The following CRK variants were observed in gnomAD, a reference collection of about 807,000 sequenced individuals.
CRK encodes the protein adapter molecule crk.
Under a neutral mutation model 29.8 loss-of-function variants are expected in CRK, and 4 were observed. The ratio of observed to expected loss-of-function variants is 0.13; its 90% CI spans 0.07 to 0.31. CRK has a LOEUF of 0.31. Ranked by LOEUF, CRK falls within the 10% of genes least tolerant of loss-of-function variation. CRK has a pLI of 1.00. For synonymous variants in CRK, 153 were observed against 164.9 expected (o/e 0.93, Z 0.55); for missense variants, 274 against 396.5 (o/e 0.69, Z 2.62).
intron 1 of CRK, among the ~76,000 whole-genome samples, chr17:1,447,798 G>A (rs2073986642): frequency 6.6e-6 from 1 of 151,614 alleles, no homozygotes; most frequent in Admixed American, 6.6e-5. Flanking sequence ...TGTATTTTTA[G>A]GAAAGACAGG....
At chr17:1,432,650 G>T (rs1463979128) in intron 2 of CRK, among the ~76,000 whole-genome samples, 3 of 151,628 alleles carry the variant, frequency 2.0e-5, no homozygotes, top group African/African-American at 7.3e-5. Flanking sequence ...GGTGGCGGGC[G>T]CCTGTAGTCC....
intron 2 of CRK, among the ~76,000 whole-genome samples, chr17:1,424,171 A>G (rs945660620): frequency 6.7e-6 from 1 of 149,856 alleles, no homozygotes; most frequent in Non-Finnish European, 1.5e-5. Context: ...GGTTCGAGCA[A>G]TTTTCCTGCC....
intron 1 of CRK, among the ~76,000 whole-genome samples, chr17:1,441,856 GTTTTGT>G (rs903531919): frequency 6.6e-6 from 1 of 150,416 alleles, no homozygotes; most frequent in Admixed American, 6.6e-5. Flanking sequence ...CCAGGCTGCG[GTTTTGT>G]TTTTGTTTTC....
chr17:1,433,508 G>GATTTTTTT lies in CRK; in HGVS notation c.777+3111_777+3112insAAAAAAAT, dbSNP rs1568012299. 1.7e-5 allele frequency among the ~76,000 whole-genome samples: 2 copies of GATTTTTTT among 114,368 alleles called. 1 individual carries two copies. Among genetic ancestry groups the GATTTTTTT allele is most frequent in the African/African-American group, 7.1e-5 (2 of 27,976 alleles). The allele number at this position is 114,368 out of a possible 152,430, so 75.0% of individuals were successfully genotyped here. A position where few individuals can be genotyped will look rare whatever the true frequency, so the allele number is the denominator to read the frequency against. On this transcript the variant is annotated intron_variant, in intron 2 of 2. Coordinates refer to ENST00000300574, the MANE Select transcript of CRK (RefSeq NM_016823.4). The stretch of plus-strand genomic sequence containing the variant: ...CCACAGGTGCACACCACCACGCCTG[G>GATTTTTTT]CTTTTTTTTTTTTTTTTTTTTTTTT...
intron 1 of CRK, among the ~76,000 whole-genome samples, chr17:1,442,788 G>T (rs567018277): frequency 6.6e-6 from 1 of 151,324 alleles, no homozygotes; most frequent in Non-Finnish European, 1.5e-5. Flanking sequence ...TGTAATTTCA[G>T]TAGAGACACA....
chr17:1,450,234 C>T (rs978368703), intron 1 of CRK, among the ~76,000 whole-genome samples: 19 of 151,906 alleles, frequency 1.3e-4, no homozygotes, highest in East Asian at 1.9e-4. Context: ...AAAAATAAGG[C>T]GCGGTGGCTC....
At position 1,456,125 on chromosome 17, in the gene CRK, T is replaced by A. The variant is rs1197294472; in HGVS notation, c.-8A>T. ...GTCGAAGTTGCCCGCCATGGCTGCC[T>A]CCGCGCCTAAACGCTGGGGTGCCGC... On this transcript the variant is annotated 5_prime_UTR_variant, in exon 1 of 3. Coordinates refer to ENST00000300574, the MANE Select transcript of CRK (RefSeq NM_016823.4). 1 of 1,526,088 alleles carries A rather than the reference T, an allele frequency of 6.6e-7. No individual in the cohort carries two copies. The highest frequency in any genetic ancestry group is 8.8e-7 in the Non-Finnish European group (1 of 1,139,476). 94.5% of individuals were successfully genotyped at this position (1,526,088 alleles called of 1,614,324 possible).
intron 2 of CRK, among the ~76,000 whole-genome samples, chr17:1,430,457 C>T (rs1222940169): frequency 6.7e-6 from 1 of 150,254 alleles, no homozygotes; most frequent in East Asian, 2.0e-4. Flanking sequence ...CCCGGGTTCA[C>T]GCCATTCTCC....
At chr17:1,450,079 G>A (rs1308732288) in intron 1 of CRK, among the ~76,000 whole-genome samples, 1 of 152,134 alleles carries the variant, frequency 6.6e-6, no homozygotes. Flanking sequence ...GCGCATGCCT[G>A]TAATCCCAGC....
At chr17:1,455,792 G>T in intron 1 of CRK, 85 bp downstream of exon 1, 1 of 1,391,320 alleles carries the variant, frequency 7.2e-7, no homozygotes, top group Admixed American at 3.3e-5. Flanking sequence ...ACCCCCGAGG[G>T]TCCGCTCTCG....
At chr17:1,438,011 T>C (rs918288748) in intron 1 of CRK, among the ~76,000 whole-genome samples, 4 of 152,148 alleles carry the variant, frequency 2.6e-5, no homozygotes, top group African/African-American at 9.6e-5. Context: ...CTCTTGTTTT[T>C]CATGGGTCCC....
chr17:1,446,779 G>C (rs1470933795), intron 1 of CRK, among the ~76,000 whole-genome samples: 1 of 151,396 alleles, frequency 6.6e-6, no homozygotes, highest in Non-Finnish European at 1.5e-5. Context: ...ATTTCTAGTA[G>C]AGACGGGGTT....
chr17:1,433,675 C>T (rs752651377), intron 2 of CRK, among the ~76,000 whole-genome samples: 4 of 151,720 alleles, frequency 2.6e-5, no homozygotes, highest in South Asian at 2.1e-4. Context: ...CCCACCACCA[C>T]GCCTGGCTAA....
At chr17:1,433,038 G>GT (rs1195267390) in intron 2 of CRK, among the ~76,000 whole-genome samples, 3 of 152,274 alleles carry the variant, frequency 2.0e-5, no homozygotes, top group Admixed American at 1.3e-4. Context: ...CCCAAGGAAC[G>GT]TAACAAACAC....
Position 1,436,805 on chromosome 17 carries a change from A to G in CRK, c.592T>C (p.Ser198Pro), listed in dbSNP as rs748690203. 7.0e-6 allele frequency: 11 copies of G among 1,582,148 alleles called. No individual in the cohort carries two copies. Among genetic ancestry groups the G allele is most frequent in the Non-Finnish European group, 9.4e-6 (11 of 1,165,314 alleles). Residue 198 changes from serine to proline, a missense_variant, in exon 2 of 3, where the codon TCG becomes CCG. This residue lies in a region of CRK where 121 missense variants were observed against 154.3 expected (regional missense o/e 0.78). Transcript: ENST00000300574. ...EKYRPASASV[S>P]ALIGGNQEGS... ...TCCTGGTTACCTCCAATCAGAGCCG[A>G]TACTGAGGCGGAGGCAGGTCTATAC...
intron 1 of CRK, among the ~76,000 whole-genome samples, chr17:1,442,298 G>T (rs1177020161): frequency 2.0e-5 from 3 of 151,738 alleles, no homozygotes; most frequent in African/African-American, 7.3e-5. Context: ...GGGACTATAG[G>T]CGCACACCAC....
intron 1 of CRK, among the ~76,000 whole-genome samples, chr17:1,440,203 G>A (rs914767422): frequency 3.3e-5 from 5 of 151,784 alleles, no homozygotes; most frequent in African/African-American, 1.2e-4. Context: ...GGAGGCTGAG[G>A]CAGGAGAATG....
chr17:1,447,535 G>A (rs2073984492), intron 1 of CRK, among the ~76,000 whole-genome samples: 1 of 151,824 alleles, frequency 6.6e-6, no homozygotes, highest in African/African-American at 2.4e-5. Flanking sequence ...GGCTAAAATA[G>A]GCCCAATCAC....
chr17:1,453,162 G>T (rs1399552672), intron 1 of CRK, among the ~76,000 whole-genome samples: 1 of 152,114 alleles, frequency 6.6e-6, no homozygotes, highest in Non-Finnish European at 1.5e-5. Flanking sequence ...ATGGCAGAAA[G>T]AATTATCACA....
Sources: gnomAD v4.1 joint callset for allele counts (sites outside exome capture counted in the v4.1 genomes callset) on GRCh38, gnomAD v4.1.1 for gene constraint, gnomAD v4.1.1 regional missense constraint, MANE v1.5 for transcripts, NCBI Gene and HGNC (gene_info 2026-07-23, HGNC 2026-07-21) for gene names.